The following YAP1 variants were observed in gnomAD, a reference collection of about 807,000 sequenced individuals.
YAP1 encodes transcriptional coactivator YAP1.
A neutral mutation model predicts 56.9 loss-of-function variants in YAP1; 5 were observed. The ratio of observed to expected loss-of-function variants is 0.09; its 90% CI spans 0.05 to 0.18. The LOEUF (loss-of-function observed/expected upper bound fraction) is 0.18. Among genes scored for constraint, YAP1 ranks in the 10% least tolerant of loss-of-function variants. The pLI is 1.00. For synonymous variants in YAP1, 265 were observed against 248.1 expected, an observed-to-expected ratio of 1.07 and a Z score of -0.64; for missense variants, 539 against 651.8, an observed-to-expected ratio of 0.83 and a Z score of 1.88.
intron 2 of YAP1, among the ~76,000 whole-genome samples, chr11:102,126,637 G>A (rs549910068): frequency 2.0e-4 from 31 of 152,266 alleles, no homozygotes; most frequent in South Asian, 6.2e-4. Context: ...GTCTTTATCA[G>A]TAGCATGAAA....
chr11:102,122,295 C>G (rs984455427), intron 2 of YAP1, among the ~76,000 whole-genome samples: 2 of 151,924 alleles, frequency 1.3e-5, no homozygotes, highest in Admixed American at 6.6e-5. Context: ...TAGCCCATGC[C>G]TGTAATCCCA....
At chr11:102,208,567 T>G (rs925592980) in intron 5 of YAP1, among the ~76,000 whole-genome samples, 1 of 152,172 alleles carries the variant, frequency 6.6e-6, no homozygotes, top group Non-Finnish European at 1.5e-5. Context: ...AGGAAGAATA[T>G]TTTTCGTCTA....
At chr11:102,150,535 A>G (rs1458290135) in intron 2 of YAP1, among the ~76,000 whole-genome samples, 1 of 152,164 alleles carries the variant, frequency 6.6e-6, no homozygotes, top group African/African-American at 2.4e-5. Flanking sequence ...TGATTATCTA[A>G]TGGTTTCACC....
intron 2 of YAP1, among the ~76,000 whole-genome samples, chr11:102,142,678 T>C (rs894188381): frequency 6.6e-6 from 1 of 152,248 alleles, no homozygotes; most frequent in African/African-American, 2.4e-5. Flanking sequence ...TGTGTCACTT[T>C]CCATAGCTTT....
At chr11:102,168,811 A>G (rs769246108) in intron 3 of YAP1, among the ~76,000 whole-genome samples, 2 of 152,246 alleles carry the variant, frequency 1.3e-5, no homozygotes, top group Non-Finnish European at 2.9e-5. Context: ...GATTGTTACC[A>G]AGAAAAATGA....
At chr11:102,144,925 G>C (rs1322151752) in intron 2 of YAP1, among the ~76,000 whole-genome samples, 1 of 151,192 alleles carries the variant, frequency 6.6e-6, no homozygotes, top group African/African-American at 2.4e-5. Flanking sequence ...CACTTATTCT[G>C]TCTCTCTCTC....
chr11:102,158,628 A>G (rs1053769531), intron 2 of YAP1, among the ~76,000 whole-genome samples: 1 of 152,206 alleles, frequency 6.6e-6, no homozygotes, highest in Non-Finnish European at 1.5e-5. Context: ...GAAGTTTCCA[A>G]ACCTTATCAC....
At chr11:102,228,049 CAAAAA>C (rs35908272) in intron 8 of YAP1, among the ~76,000 whole-genome samples, 2 of 111,572 alleles carry the variant, frequency 1.8e-5, no homozygotes, top group African/African-American at 6.7e-5. Flanking sequence ...GACCTCTTCT[CAAAAA>C]AAAAAAAAAA....
intron 2 of YAP1, among the ~76,000 whole-genome samples, chr11:102,155,594 A>G (rs916143469): frequency 6.6e-6 from 1 of 152,240 alleles, no homozygotes; most frequent in Non-Finnish European, 1.5e-5. Flanking sequence ...TACAAGTTCC[A>G]TATACACTTT....
chr11:102,157,371 G>A lies in YAP1; in HGVS notation c.573-5085G>A, dbSNP rs947086006. The stretch of plus-strand genomic sequence containing the variant: ...TCATTGTTCCTAGAGTCAGTTAAGC[G>A]TGTAGGTTTAGCTAGTTTGGGAACA... On this transcript the variant is annotated intron_variant, in intron 2 of 8. Coordinates refer to ENST00000282441, the MANE Select transcript of YAP1 (RefSeq NM_001130145.3). 5.9e-5 allele frequency among the ~76,000 whole-genome samples: 9 copies of A among 152,140 alleles called. No homozygotes were observed. The South Asian group carries it at 8.3e-4, about 14-fold the overall frequency.
chr11:102,215,247 CAT>C (rs1360538733), intron 6 of YAP1, among the ~76,000 whole-genome samples: 1 of 152,152 alleles, frequency 6.6e-6, no homozygotes. Flanking sequence ...ACTTACAAGA[CAT>C]ATATTTTTAG....
intron 2 of YAP1, among the ~76,000 whole-genome samples, chr11:102,146,082 A>G (rs1007658122): frequency 2.0e-5 from 3 of 152,240 alleles, no homozygotes; most frequent in Non-Finnish European, 4.4e-5. Context: ...TAAATTACAT[A>G]TAAGTAATGT....
intron 3 of YAP1, among the ~76,000 whole-genome samples, chr11:102,177,671 G>A (rs1215803966): frequency 1.5e-5 from 2 of 134,280 alleles, no homozygotes; most frequent in Admixed American, 7.6e-5. Flanking sequence ...GTGAGACTCG[G>A]TCTCAAAAAA....
At chr11:102,204,091 C>T (rs1302055837) in intron 4 of YAP1, among the ~76,000 whole-genome samples, 2 of 151,332 alleles carry the variant, frequency 1.3e-5, no homozygotes, top group Non-Finnish European at 2.9e-5. Flanking sequence ...GCTGTGCTAG[C>T]CTGATAGAAG....
At chr11:102,159,233 G>A (rs1946127325) in intron 2 of YAP1, among the ~76,000 whole-genome samples, 1 of 152,088 alleles carries the variant, frequency 6.6e-6, no homozygotes, top group African/African-American at 2.4e-5. Flanking sequence ...GACAGGTTGT[G>A]GTGCCGCACA....
chr11:102,129,840 C>T (rs1944270234), intron 2 of YAP1, among the ~76,000 whole-genome samples: 1 of 145,782 alleles, frequency 6.9e-6, no homozygotes, highest in South Asian at 2.2e-4. Flanking sequence ...TGCTCTGTCA[C>T]CCAGGCTGGA....
At chr11:102,217,670 G>T (rs1696286872) in intron 6 of YAP1, among the ~76,000 whole-genome samples, 1 of 152,120 alleles carries the variant, frequency 6.6e-6, no homozygotes. Flanking sequence ...GTGAGAAGTA[G>T]TGGGAGAAAA....
At chr11:102,164,106 C>T (rs547259108) in intron 3 of YAP1, among the ~76,000 whole-genome samples, 29 of 151,102 alleles carry the variant, frequency 1.9e-4, no homozygotes, top group Non-Finnish European at 7.4e-5. Flanking sequence ...GGCATGGTCT[C>T]AGCTCACTGC....
intron 2 of YAP1, among the ~76,000 whole-genome samples, chr11:102,145,529 A>G (rs1945276929): frequency 6.6e-6 from 1 of 152,218 alleles, no homozygotes; most frequent in Non-Finnish European, 1.5e-5. Context: ...TAAGAAACCT[A>G]TAATAATTGT....
Sources: gnomAD v4.1 joint callset for allele counts (sites outside exome capture counted in the v4.1 genomes callset) on GRCh38, gnomAD v4.1.1 for gene constraint, MANE v1.5 for transcripts, NCBI Gene and HGNC (gene_info 2026-07-23, HGNC 2026-07-21) for gene names.